The following BRF1 variants were observed in gnomAD, a reference collection of about 807,000 sequenced individuals.
The protein encoded by BRF1 is transcription factor IIIB 90 kDa subunit.
BRF1 carries 59 observed loss-of-function variants against 81.7 expected under a neutral mutation model. The ratio of observed to expected loss-of-function variants is 0.72; its 90% CI spans 0.59 to 0.90. The LOEUF is 0.90. BRF1 is among the 40% of genes least tolerant of loss of function. BRF1 has a pLI of 0.00. For synonymous variants in BRF1, 491 were observed against 395.6 expected, an observed-to-expected ratio of 1.24 and a Z score of -2.86; for missense variants, 1,050 against 936.3, an observed-to-expected ratio of 1.12 and a Z score of -1.58.
intron 3 of BRF1, among the ~76,000 whole-genome samples, chr14:105,267,971 G>A (rs1158109064): frequency 6.7e-6 from 1 of 149,222 alleles, no homozygotes; most frequent in Non-Finnish European, 1.5e-5. Context: ...GGCCAGGCAC[G>A]CCATGGAGGC....
chr14:105,215,897 GCA>G lies in BRF1; in HGVS notation c.1772+1645_1772+1646del, dbSNP rs775156139. ...ACACGCTGCAGGCATACAGACACAGGCACACACACACTGCATACGCAGACAGG... is the reference window on the plus strand; with the variant it reads ...ACACGCTGCAGGCATACAGACACAGGCACACACACTGCATACGCAGACAGG... On this transcript the variant is annotated intron_variant, in intron 15 of 17. Coordinates refer to ENST00000547530, the MANE Select transcript of BRF1 (RefSeq NM_001519.4). Among the ~76,000 whole-genome samples, 24 of 100,464 alleles carry G rather than the reference GCA, an allele frequency of 2.4e-4. 1 individual carries two copies. Among genetic ancestry groups the G allele is most frequent in the South Asian group, 6.5e-4 (2 of 3,082 alleles). The allele number at this position is 100,464 out of a possible 152,430, so 65.9% of individuals were successfully genotyped here. A position where few individuals can be genotyped will look rare whatever the true frequency, so the allele number is the denominator to read the frequency against.
upstream of BRF1, among the ~76,000 whole-genome samples, chr14:105,302,150 A>G (rs2058054130): frequency 6.6e-6 from 1 of 151,642 alleles, no homozygotes; most frequent in Admixed American, 6.6e-5. Context: ...CTGTCTCAAA[A>G]AAAAAAAAGA....
At chr14:105,225,950 A>C in intron 10 of BRF1, 119 bp downstream of exon 10, 1 of 1,077,448 alleles carries the variant, frequency 9.3e-7, no homozygotes, top group Non-Finnish European at 1.3e-6. Context: ...CCGGTGGTAA[A>C]CTTACATTCT....
intron 10 of BRF1, 46 bp from the exon 11 acceptor site, chr14:105,221,960 G>A (rs754029152): frequency 4.6e-6 from 7 of 1,506,732 alleles, no homozygotes; most frequent in Non-Finnish European, 5.3e-6. Context: ...GGGCCAGGGT[G>A]CCCGCTTTTG....
chr14:105,240,912 A>T (rs1456070725), intron 6 of BRF1, among the ~76,000 whole-genome samples: 1 of 151,730 alleles, frequency 6.6e-6, no homozygotes, highest in African/African-American at 2.4e-5. Flanking sequence ...ACAACCTAGC[A>T]TCTCAGGAGA....
intron 15 of BRF1, chr14:105,217,253 G>A (rs779423329): frequency 1.9e-6 from 1 of 529,908 alleles, no homozygotes; most frequent in Non-Finnish European, 3.4e-6. Flanking sequence ...AGAAGGCACC[G>A]ACCCCACGGA....
In BRF1 at chr14:105,278,900, C is replaced by T. The variant is rs183650566; in HGVS notation, c.266-6006G>A. ...TCTACTAAAAAGTACAAATATTAGC[C>T]GGGCATGGTGGTGCACACCTGTAAT... On this transcript the variant is annotated intron_variant, in intron 2 of 17. Coordinates refer to ENST00000547530, the MANE Select transcript of BRF1 (RefSeq NM_001519.4). Among the ~76,000 whole-genome samples, 70 of 152,108 alleles carry T rather than the reference C, an allele frequency of 4.6e-4. 1 individual carries two copies. The East Asian group carries it at 0.011, about 24-fold the overall frequency.
chr14:105,246,198 C>A (rs926242438), intron 5 of BRF1, among the ~76,000 whole-genome samples: 1 of 151,158 alleles, frequency 6.6e-6, no homozygotes, highest in Admixed American at 6.6e-5. Flanking sequence ...CCAGCCTGGG[C>A]AACGGAGTAA....
Position 105,284,073 on chromosome 14 carries a change from A to T in BRF1, c.265+2223T>A, listed in dbSNP as rs1284237596. On this transcript the variant is annotated intron_variant, in intron 2 of 17. Coordinates refer to ENST00000547530, the MANE Select transcript of BRF1 (RefSeq NM_001519.4). This position sits in a 1 kb window ranked among gnomAD's most constrained non-coding sequence, Gnocchi z 4.0. ...CATGCACACTCTCGGTGGCAGACAC[A>T]GAGAACCAGCCAGTGGAGAGGAAGA... Among the ~76,000 whole-genome samples the T allele has an allele frequency of 2.6e-5, 4 of 152,098 alleles. No homozygotes were observed. Among genetic ancestry groups the T allele is most frequent in the Non-Finnish European group, 5.9e-5 (4 of 68,024 alleles).
chr14:105,220,248 C>T (rs1892061791), intron 11 of BRF1, 118 bp from the exon 12 acceptor site: 2 of 1,129,532 alleles, frequency 1.8e-6, no homozygotes, highest in Admixed American at 1.9e-5. Context: ...AGAACCCCGT[C>T]CCCTCCTCTG....
chr14:105,241,463 G>T, intron 5 of BRF1, 49 bp from the exon 6 acceptor site: 1 of 1,602,338 alleles, frequency 6.2e-7, no homozygotes, highest in Non-Finnish European at 8.5e-7. Context: ...GCCATGGCAC[G>T]TGCACAGGCG....
intron 1 of BRF1, among the ~76,000 whole-genome samples, chr14:105,299,327 T>A (rs2057885141): frequency 6.6e-6 from 1 of 151,986 alleles, no homozygotes; most frequent in African/African-American, 2.4e-5. Context: ...TCCCAGCAAT[T>A]CGGGAGGCCA....
chr14:105,229,651 AG>A (rs1172897898), intron 6 of BRF1, among the ~76,000 whole-genome samples: 1 of 150,980 alleles, frequency 6.6e-6, no homozygotes, highest in East Asian at 1.9e-4. Context: ...GGCGGGGGAC[AG>A]CCTGGCAGCC....
rs910294373 is a variant in BRF1, at chr14:105,241,467, A to G, written c.545-53T>C. ...CACCTCCATGTGCCATGGCACGTGC[A>G]CAGGCGGCCCACGCAGCCCAGGGGT... On this transcript the variant is annotated intron_variant, in intron 5 of 17. Coordinates refer to ENST00000547530, the MANE Select transcript of BRF1 (RefSeq NM_001519.4). 4.4e-6 allele frequency: 7 copies of G among 1,601,862 alleles called. No homozygotes were observed. The South Asian group carries it at 7.7e-5, about 18-fold the overall frequency.
chr14:105,250,305 T>C, intron 5 of BRF1: 1 of 1,613,248 alleles, frequency 6.2e-7, no homozygotes. Flanking sequence ...CAGTTTGCAG[T>C]GGACAGAAGG....
chr14:105,258,791 T>C (rs1049576461), intron 3 of BRF1, among the ~76,000 whole-genome samples: 3 of 151,052 alleles, frequency 2.0e-5, no homozygotes, highest in African/African-American at 7.3e-5. Flanking sequence ...AGAGCGAGAC[T>C]CAGTCTCAAA....
At chr14:105,279,500 C>A (rs587642998) in intron 2 of BRF1, among the ~76,000 whole-genome samples, 1 of 151,762 alleles carries the variant, frequency 6.6e-6, no homozygotes, top group African/African-American at 2.4e-5. Context: ...AATGCCGCAG[C>A]GAGTGTGCTA....
intron 10 of BRF1, among the ~76,000 whole-genome samples, chr14:105,225,312 G>A (rs758715269): frequency 1.4e-4 from 21 of 152,154 alleles, no homozygotes; most frequent in Non-Finnish European, 2.4e-4. Flanking sequence ...CCAACCAAAT[G>A]GATCCCTTCT....
chr14:105,268,527 T>G (rs925825743), intron 3 of BRF1, among the ~76,000 whole-genome samples: 1 of 152,226 alleles, frequency 6.6e-6, no homozygotes, highest in African/African-American at 2.4e-5. Flanking sequence ...GGGGTGATAG[T>G]GGACACACCT....
Sources: allele counts gnomAD v4.1 joint callset (sites outside exome capture counted in the v4.1 genomes callset), GRCh38; gene constraint gnomAD v4.1.1; non-coding constraint Gnocchi (gnomAD v3.1); transcripts MANE v1.5; gene names NCBI Gene and HGNC (gene_info 2026-07-23, HGNC 2026-07-21).